CTDSPL: variants seen among roughly 807,000 people sequenced by gnomAD.
The protein encoded by CTDSPL is CTD small phosphatase-like protein.
A neutral mutation model predicts 30.5 loss-of-function variants in CTDSPL; 8 were observed. That is an observed-to-expected ratio of 0.26 (90% CI 0.15 to 0.47). The LOEUF is 0.47. Ranked by LOEUF, CTDSPL falls within the 20% of genes least tolerant of loss-of-function variation. The pLI, the probability that CTDSPL is intolerant of heterozygous loss-of-function variation, is 0.99. For missense variants in CTDSPL, 248 were observed against 366.1 expected (o/e 0.68, Z 2.63); for synonymous variants, 110 against 137.9 (o/e 0.80, Z 1.42).
intron 1 of CTDSPL, among the ~76,000 whole-genome samples, chr3:37,916,006 C>T (rs937405299): frequency 3.3e-5 from 5 of 152,160 alleles, no homozygotes; most frequent in Non-Finnish European, 5.9e-5. Flanking sequence ...CCTCTGAGAA[C>T]GAGTCCACTT....
At chr3:37,965,345 C>A (rs1699287922) in intron 4 of CTDSPL, among the ~76,000 whole-genome samples, 1 of 152,132 alleles carries the variant, frequency 6.6e-6, no homozygotes, top group Non-Finnish European at 1.5e-5. Context: ...GCAGAAACGG[C>A]CTCCATGCAG....
chr3:37,917,843 G>A (rs915130673), intron 1 of CTDSPL, among the ~76,000 whole-genome samples: 1 of 152,218 alleles, frequency 6.6e-6, no homozygotes, highest in Non-Finnish European at 1.5e-5. Flanking sequence ...AATTTATTGT[G>A]ATTGTGTTTG....
intron 1 of CTDSPL, among the ~76,000 whole-genome samples, chr3:37,864,977 G>A (rs931336553): frequency 2.6e-5 from 4 of 152,132 alleles, no homozygotes; most frequent in Non-Finnish European, 5.9e-5. Flanking sequence ...ACTCTGCCTG[G>A]TTCACCACTG....
chr3:37,897,645 T>C (rs1377740808), intron 1 of CTDSPL, among the ~76,000 whole-genome samples: 1 of 152,162 alleles, frequency 6.6e-6, no homozygotes, highest in Non-Finnish European at 1.5e-5. Context: ...AAGTTAACTT[T>C]TCATCTCTAA....
chr3:37,914,064 T>C (rs1698614731), intron 1 of CTDSPL, among the ~76,000 whole-genome samples: 1 of 152,232 alleles, frequency 6.6e-6, no homozygotes, highest in Non-Finnish European at 1.5e-5. Context: ...TTTAAAACCA[T>C]GAACATAGTA....
intron 3 of CTDSPL, 147 bp from the exon 4 acceptor site, chr3:37,964,424 T>C: frequency 1.9e-6 from 1 of 535,678 alleles, no homozygotes; most frequent in South Asian, 2.9e-5. Flanking sequence ...GATAAAACTT[T>C]AGTTGCAAAC....
rs149301098 is a variant in CTDSPL, at chr3:37,980,428, G to T, written c.706-314G>T. On this transcript the variant is annotated intron_variant, in intron 7 of 7. Coordinates refer to ENST00000273179, the MANE Select transcript of CTDSPL (RefSeq NM_001008392.2). Reference sequence around the variant, plus strand: ...TGTGCAGTAGAAAGAGCTTTTGGAAGTTGGCAAGTAGCAAGGCTAGTTCTC... The same window carrying T: ...TGTGCAGTAGAAAGAGCTTTTGGAATTTGGCAAGTAGCAAGGCTAGTTCTC... Among the ~76,000 whole-genome samples the T allele has an allele frequency of 1.2e-3, 189 of 152,316 alleles. 1 individual carries two copies. Among genetic ancestry groups the T allele is most frequent in the Admixed American group, 9.4e-3 (144 of 15,304 alleles).
At chr3:37,895,371 C>A (rs1698379484) in intron 1 of CTDSPL, among the ~76,000 whole-genome samples, 1 of 152,184 alleles carries the variant, frequency 6.6e-6, no homozygotes, top group Non-Finnish European at 1.5e-5. Context: ...CAGTGGTCAG[C>A]CAAAGATTTG....
chr3:37,898,524 G>A (rs1698413433), intron 1 of CTDSPL, among the ~76,000 whole-genome samples: 1 of 152,138 alleles, frequency 6.6e-6, no homozygotes, highest in South Asian at 2.1e-4. Context: ...TATTACTAGT[G>A]CCATCTATTG....
chr3:37,894,409 G>T (rs896044005), intron 1 of CTDSPL, among the ~76,000 whole-genome samples: 4 of 151,178 alleles, frequency 2.6e-5, no homozygotes, highest in African/African-American at 4.9e-5. Context: ...GCCCAGCCAA[G>T]TTTTTTTTTC....
In CTDSPL at chr3:37,983,198, C is replaced by G. The variant is rs1180791938; in HGVS notation, c.*2331C>G. The G allele has an allele frequency of 6.6e-6, 1 of 152,378 alleles. No homozygotes were observed. The highest frequency in any genetic ancestry group is 2.4e-5 in the African/African-American group (1 of 41,440). The allele number at this position is 152,378 out of a possible 1,614,324, so 9.4% of individuals were successfully genotyped here. A position where few individuals can be genotyped will look rare whatever the true frequency, so the allele number is the denominator to read the frequency against. On this transcript the variant is annotated 3_prime_UTR_variant, in exon 8 of 8. Coordinates refer to ENST00000273179, the MANE Select transcript of CTDSPL (RefSeq NM_001008392.2). Reference sequence around the variant, plus strand: ...AGGGCCAGCAGGCCCTCTGAGGGTTCTGGAATCTGTGCACCTTATTTGACC... The same window carrying G: ...AGGGCCAGCAGGCCCTCTGAGGGTTGTGGAATCTGTGCACCTTATTTGACC...
intron 1 of CTDSPL, among the ~76,000 whole-genome samples, chr3:37,930,543 C>T (rs528819436): frequency 6.6e-6 from 1 of 152,280 alleles, no homozygotes; most frequent in African/African-American, 2.4e-5. Context: ...CTCTGGGCCT[C>T]AAGCAATCCT....
chr3:37,952,228 GA>G (rs1002080075), intron 2 of CTDSPL, among the ~76,000 whole-genome samples: 2 of 152,044 alleles, frequency 1.3e-5, no homozygotes, highest in Non-Finnish European at 2.9e-5. Flanking sequence ...GAGAGAGAGA[GA>G]AAGTGAGAAA....
intron 1 of CTDSPL, among the ~76,000 whole-genome samples, chr3:37,899,986 C>T (rs1698430968): frequency 6.6e-6 from 1 of 152,150 alleles, no homozygotes; most frequent in Non-Finnish European, 1.5e-5. Flanking sequence ...TGAAGTAGGT[C>T]ATGTCATTCC....
intron 1 of CTDSPL, among the ~76,000 whole-genome samples, chr3:37,944,524 C>G: frequency 6.7e-6 from 1 of 150,034 alleles, no homozygotes; most frequent in South Asian, 2.2e-4. Flanking sequence ...CCAGAGCACC[C>G]ACGTCTGGAG....
At chr3:37,952,199 GAAA>G (rs1487663081) in intron 2 of CTDSPL, among the ~76,000 whole-genome samples, 1 of 151,706 alleles carries the variant, frequency 6.6e-6, no homozygotes, top group Non-Finnish European at 1.5e-5. Flanking sequence ...AAAAGAAACA[GAAA>G]GAAGGAATGA....
chr3:37,882,593 AG>A (rs1401377319), intron 1 of CTDSPL, among the ~76,000 whole-genome samples: 1 of 152,074 alleles, frequency 6.6e-6, no homozygotes, highest in Non-Finnish European at 1.5e-5. Context: ...CTCTAGCCTG[AG>A]TGACAGAGGA....
At chr3:37,973,283 C>T (rs540762639) in intron 6 of CTDSPL, among the ~76,000 whole-genome samples, 1 of 152,306 alleles carries the variant, frequency 6.6e-6, no homozygotes, top group East Asian at 1.9e-4. Context: ...GCTGAAGGGC[C>T]TGAAGTAATA....
intron 1 of CTDSPL, among the ~76,000 whole-genome samples, chr3:37,923,943 ACAT>A (rs1010985525): frequency 7.2e-5 from 11 of 152,196 alleles, no homozygotes; most frequent in African/African-American, 2.7e-4. Flanking sequence ...TAATCCCAAA[ACAT>A]CTGTGAGTAT....
Sources: allele counts gnomAD v4.1 joint callset (sites outside exome capture counted in the v4.1 genomes callset), GRCh38; gene constraint gnomAD v4.1.1; transcripts MANE v1.5; gene names NCBI Gene and HGNC (gene_info 2026-07-23, HGNC 2026-07-21).